GARIN1A: variants seen among roughly 807,000 people sequenced by gnomAD.
GARIN1A encodes Golgi-associated RAB2 interactor protein 1A.
the GARIN1A span, among the ~76,000 whole-genome samples, chr7:128,676,865 A>C: frequency 6.6e-6 from 1 of 151,978 alleles, no homozygotes; most frequent in Non-Finnish European, 1.5e-5. Flanking sequence ...CGAAATCTGT[A>C]AAGCGGAATT....
chr7:128,682,908 G>T, the GARIN1A span: 4 of 1,359,766 alleles, frequency 2.9e-6, no homozygotes, highest in South Asian at 5.9e-5. Flanking sequence ...TTTTAACAAT[G>T]TTTTCTTTTT....
the GARIN1A span, chr7:128,675,774 C>T: frequency 1.2e-6 from 2 of 1,613,788 alleles, no homozygotes; most frequent in South Asian, 2.2e-5. Context: ...CCCCAATGTC[C>T]TCCTGATGGC....
At chr7:128,698,141 T>C in the GARIN1A span, among the ~76,000 whole-genome samples, 2 of 152,156 alleles carry the variant, frequency 1.3e-5, no homozygotes, top group Non-Finnish European at 2.9e-5. Flanking sequence ...TTCAGGCTGG[T>C]GAAACGGTGT....
the GARIN1A span, chr7:128,683,043 A>T: frequency 6.2e-7 from 1 of 1,611,382 alleles, no homozygotes; most frequent in Non-Finnish European, 8.5e-7. Context: ...AATCAATTTG[A>T]ATATACCCAT....
the GARIN1A span, chr7:128,680,003 C>A: frequency 2.1e-6 from 3 of 1,417,190 alleles, no homozygotes; most frequent in East Asian, 7.6e-5. Context: ...GCAGACCTAG[C>A]CATCTGACGC....
At chr7:128,679,274 C>T in the GARIN1A span, among the ~76,000 whole-genome samples, 1 of 151,762 alleles carries the variant, frequency 6.6e-6, no homozygotes, top group Non-Finnish European at 1.5e-5. Flanking sequence ...CTCACTGAAA[C>T]CTCCGCCTCC....
At chr7:128,684,845 T>C in the GARIN1A span, 149,902 of 152,018 alleles carry the variant, frequency 0.99, 73,927 homozygotes, top group Middle Eastern at 1. Flanking sequence ...GGGAATGGGG[T>C]AGGAGCTTTG....
chr7:128,677,977 T>C, the GARIN1A span: 30 of 545,392 alleles, frequency 5.5e-5, no homozygotes, highest in East Asian at 6.0e-4. Flanking sequence ...TAAAATTTAT[T>C]TGACCAGTCC....
chr7:128,672,654 G>A, the GARIN1A span: 2 of 671,640 alleles, frequency 3.0e-6, no homozygotes, highest in Non-Finnish European at 4.6e-6. Context: ...GGGGGAGGGG[G>A]GGGCGGGGGG....
chr7:128,683,331 G>A, the GARIN1A span: 1,173 of 551,484 alleles, frequency 2.1e-3, 16 homozygotes, highest in African/African-American at 0.02. Flanking sequence ...ATTTTTGCAG[G>A]TTGGGCTATA....
the GARIN1A span, among the ~76,000 whole-genome samples, chr7:128,689,921 A>G: frequency 6.6e-6 from 1 of 152,230 alleles, no homozygotes; most frequent in African/African-American, 2.4e-5. Context: ...CCAACAGCTC[A>G]TTGAGAACGG....
the GARIN1A span, among the ~76,000 whole-genome samples, chr7:128,674,786 C>T: frequency 4.6e-5 from 7 of 152,096 alleles, no homozygotes; most frequent in African/African-American, 1.4e-4. Context: ...GCAATGGTGT[C>T]GATAGTTTTA....
At chr7:128,704,595 G>A in the GARIN1A span, among the ~76,000 whole-genome samples, 51 of 152,114 alleles carry the variant, frequency 3.4e-4, no homozygotes, top group Admixed American at 2.7e-3. Context: ...ATGAGCCACC[G>A]CTTCCAGCCT....
the GARIN1A span, among the ~76,000 whole-genome samples, chr7:128,699,260 GCCC>G: frequency 3.7e-3 from 394 of 105,068 alleles, 21 homozygotes; most frequent in African/African-American, 7.5e-3. Flanking sequence ...CATACCTGCT[GCCC>G]CCCCCCCCCC....
At chr7:128,699,263 C>T in the GARIN1A span, among the ~76,000 whole-genome samples, 4 of 34,424 alleles carry the variant, frequency 1.2e-4, no homozygotes, top group Admixed American at 5.9e-4. Context: ...ACCTGCTGCC[C>T]CCCCCCCCCC....
the GARIN1A span, chr7:128,672,649 A>AGGGGGGGGGG: frequency 1.6e-5 from 2 of 124,342 alleles, no homozygotes; most frequent in Non-Finnish European, 1.7e-5. Flanking sequence ...GCCCTGGGGG[A>AGGGGGGGGGG]GGGGGGGGCG....
the GARIN1A span, among the ~76,000 whole-genome samples, chr7:128,703,792 AAAAG>A: frequency 3.3e-5 from 5 of 152,086 alleles, no homozygotes; most frequent in African/African-American, 9.7e-5. Context: ...AAAAAAAAGA[AAAAG>A]AAAGTGCAGA....
chr7:128,704,170 A>G, the GARIN1A span, among the ~76,000 whole-genome samples: 1 of 120,868 alleles, frequency 8.3e-6, no homozygotes, highest in African/African-American at 3.3e-5. Context: ...GTGGTCCCCA[A>G]CCTTTTTGGC....
At chr7:128,694,587 C>T in the GARIN1A span, among the ~76,000 whole-genome samples, 3 of 151,796 alleles carry the variant, frequency 2.0e-5, no homozygotes, top group Non-Finnish European at 4.4e-5. Context: ...CTTTAGTCCA[C>T]GTGTAACATA....
Sources: gnomAD v4.1 joint callset for allele counts (sites outside exome capture counted in the v4.1 genomes callset) on GRCh38, gnomAD v4.1.1 for gene constraint, MANE v1.5 for transcripts, NCBI Gene and HGNC (gene_info 2026-07-23, HGNC 2026-07-21) for gene names.